The following OSBPL10 variants were observed in gnomAD, a reference collection of about 807,000 sequenced individuals.
The protein encoded by OSBPL10 is oxysterol-binding protein-related protein 10.
In OSBPL10, 49 loss-of-function variants were observed where a neutral mutation model predicts 81.7. That is an observed-to-expected ratio of 0.60 (90% CI 0.48 to 0.76). The LOEUF (loss-of-function observed/expected upper bound fraction) is 0.76, where lower values mean the gene tolerates loss of function less well. OSBPL10 is among the 30% of genes least tolerant of loss of function. The pLI is 0.00. For missense variants in OSBPL10, 923 were observed against 987.8 expected (o/e 0.93, Z 0.88); for synonymous variants, 419 against 383.6 (o/e 1.09, Z -1.08).
intron 6 of OSBPL10, chr3:31,708,797 G>C: frequency 5.1e-6 from 5 of 985,434 alleles, no homozygotes; most frequent in Non-Finnish European, 4.8e-6. Context: ...CCAAAAGTAG[G>C]CCATCTTTGT....
At chr3:31,689,854 G>A (rs1028065703) in intron 7 of OSBPL10, among the ~76,000 whole-genome samples, 4 of 152,056 alleles carry the variant, frequency 2.6e-5, no homozygotes, top group Non-Finnish European at 5.9e-5. Context: ...TCTCAGGTAT[G>A]TCTTTTATTA....
intron 1 of OSBPL10, among the ~76,000 whole-genome samples, chr3:31,896,917 G>T (rs998965757): frequency 1.3e-5 from 2 of 152,070 alleles, no homozygotes; most frequent in African/African-American, 4.8e-5. Flanking sequence ...ACCTTCTCTC[G>T]CCACGTCATC....
chr3:31,867,533 G>T (rs1183223213), intron 3 of OSBPL10, among the ~76,000 whole-genome samples: 1 of 152,096 alleles, frequency 6.6e-6, no homozygotes, highest in Non-Finnish European at 1.5e-5. Context: ...CTTGAGGTCG[G>T]AAGTTTGAGA....
chr3:31,894,072 G>C (rs1695985089), intron 1 of OSBPL10, among the ~76,000 whole-genome samples: 1 of 152,174 alleles, frequency 6.6e-6, no homozygotes, highest in Non-Finnish European at 1.5e-5. Flanking sequence ...CTAGACCAAG[G>C]TGGTGATGGC....
intron 4 of OSBPL10, among the ~76,000 whole-genome samples, chr3:31,775,240 G>A (rs1047032380): frequency 1.4e-4 from 21 of 152,188 alleles, no homozygotes; most frequent in Admixed American, 1.2e-3. Context: ...AGTTTGCCCC[G>A]TGAGTACAGC....
chr3:31,878,455 G>GT (rs35957498), intron 2 of OSBPL10, among the ~76,000 whole-genome samples: 33,868 of 152,110 alleles, frequency 0.22, 3,876 homozygotes, highest in Non-Finnish European at 0.25. Context: ...ATTCCTGAAA[G>GT]TTTTTTATCA....
At position 31,913,374 on chromosome 3, in the gene OSBPL10, G is replaced by A. The variant is rs556557514; in HGVS notation, c.282-33544C>T. On this transcript the variant is annotated intron_variant, in intron 1 of 11. Coordinates refer to ENST00000396556, the MANE Select transcript of OSBPL10 (RefSeq NM_017784.5). ...AGCGATTCTCCTGCCTCAGCCTCCC[G>A]AGTAGCTGGGACTACAGGCGCACAA... is the stretch of plus-strand genomic sequence containing the variant. Among the ~76,000 whole-genome samples, 809 of 151,462 alleles carry A rather than the reference G, an allele frequency of 5.3e-3. 3 individuals are homozygous for A. The highest frequency in any genetic ancestry group is 0.014 in the African/African-American group (582 of 41,272).
intron 4 of OSBPL10, among the ~76,000 whole-genome samples, chr3:31,818,510 C>T (rs1365952714): frequency 2.0e-5 from 3 of 152,184 alleles, no homozygotes; most frequent in Admixed American, 6.5e-5. Flanking sequence ...TCCGAAGAAC[C>T]CTGACTAGCA....
At chr3:31,780,278 G>A (rs1398056864) in intron 4 of OSBPL10, among the ~76,000 whole-genome samples, 1 of 152,000 alleles carries the variant, frequency 6.6e-6, no homozygotes, top group Non-Finnish European at 1.5e-5. Context: ...GGGTGACAGA[G>A]CAAGACTCCG....
intron 1 of OSBPL10, among the ~76,000 whole-genome samples, chr3:31,936,302 TTTAC>T (rs1325786146): frequency 6.6e-6 from 1 of 152,268 alleles, no homozygotes; most frequent in African/African-American, 2.4e-5. Flanking sequence ...TTAGCATTTA[TTTAC>T]TGAGGCAGTC....
chr3:31,901,129 T>A (rs534864215), intron 1 of OSBPL10, among the ~76,000 whole-genome samples: 43 of 152,342 alleles, frequency 2.8e-4, no homozygotes, highest in Admixed American at 5.9e-4. Flanking sequence ...GATACACATT[T>A]TAAATCCTGT....
intron 2 of OSBPL10, among the ~76,000 whole-genome samples, chr3:31,876,746 T>C (rs1001898429): frequency 7.2e-5 from 11 of 152,182 alleles, no homozygotes; most frequent in African/African-American, 2.4e-4. Context: ...AAATGGATTC[T>C]GAAATACCCG....
intron 4 of OSBPL10, among the ~76,000 whole-genome samples, chr3:31,791,536 A>G (rs1044650181): frequency 6.6e-6 from 1 of 152,194 alleles, no homozygotes; most frequent in African/African-American, 2.4e-5. Flanking sequence ...GAGGTAGTTC[A>G]CTATAACTAT....
At chr3:31,771,916 G>T (rs1055871979) in intron 4 of OSBPL10, among the ~76,000 whole-genome samples, 4 of 152,144 alleles carry the variant, frequency 2.6e-5, no homozygotes, top group African/African-American at 9.7e-5. Context: ...CCAACCCTCA[G>T]TTTGGTCCGG....
Position 31,668,746 on chromosome 3 carries a change from C to T in OSBPL10, c.1992G>A (p.Glu664=), listed in dbSNP as rs745520393. 4 of 1,614,176 alleles carry T rather than the reference C, an allele frequency of 2.5e-6. No individual in the cohort carries two copies. In the South Asian group the frequency reaches 3.3e-5, roughly 13 times the overall value. Residue 664 remains glutamate (E), a synonymous_variant, in exon 10 of 12, where the codon GAG becomes GAA. Coordinates refer to ENST00000396556, the MANE Select transcript of OSBPL10 (RefSeq NM_017784.5). ...TGGTTTCTCCATTGTTGTAGGTGAA[C>T]TCTAAAGTACCATTCCATTCCCCAT... The part of the protein sequence containing the change: ...KAHGEWNGTL[E]FTYNNGETKV...
At position 32,036,842 on chromosome 3, in the gene OSBPL10, GA is replaced by G. The variant is rs1009736255; in HGVS notation, n.298+9648del. 7.3e-5 allele frequency among the ~76,000 whole-genome samples: 11 copies of G among 150,002 alleles called. 1 individual carries two copies. The highest frequency in any genetic ancestry group is 2.4e-5 in the African/African-American group (1 of 41,030). On this transcript the variant is annotated intron_variant and non_coding_transcript_variant, in intron 2 of 3. Transcript: ENST00000479173. ...GTGTCTCAAAAAAAAAAAAGAAAAA[GA>G]AAAAAACCCACATTCCTGATGATAC...
chr3:31,867,785 G>A (rs1701218739), intron 3 of OSBPL10, among the ~76,000 whole-genome samples: 1 of 150,820 alleles, frequency 6.6e-6, no homozygotes, highest in South Asian at 2.1e-4. Context: ...GAGGGAGGGA[G>A]GGAAACAGAC....
intron 3 of OSBPL10, among the ~76,000 whole-genome samples, chr3:31,840,094 C>A (rs954002297): frequency 3.3e-5 from 5 of 151,346 alleles, no homozygotes; most frequent in African/African-American, 4.9e-5. Context: ...TCATTGTAAT[C>A]GACCCAGAAG....
At chr3:31,764,747 C>A (rs1217930662) in intron 4 of OSBPL10, among the ~76,000 whole-genome samples, 1 of 152,172 alleles carries the variant, frequency 6.6e-6, no homozygotes, top group Non-Finnish European at 1.5e-5. Context: ...TTTAACTGCA[C>A]ATTATATATC....
Sources: allele counts gnomAD v4.1 joint callset (sites outside exome capture counted in the v4.1 genomes callset), GRCh38; gene constraint gnomAD v4.1.1; transcripts MANE v1.5; gene names NCBI Gene and HGNC (gene_info 2026-07-23, HGNC 2026-07-21).